The following MITD1 variants were observed in gnomAD, a reference collection of about 807,000 sequenced individuals.
The protein encoded by MITD1 is MIT domain-containing protein 1.
A neutral mutation model predicts 34.9 loss-of-function variants in MITD1; 24 were observed. The ratio of observed to expected loss-of-function variants is 0.69; its 90% CI spans 0.50 to 0.97. The LOEUF is 0.97. MITD1 is among the 50% of genes least tolerant of loss of function. The probability of loss-of-function intolerance (pLI) is 0.00; values close to 1 mark genes in which losing one functional copy is unlikely to be tolerated. For synonymous variants in MITD1, 102 were observed against 101.4 expected, an observed-to-expected ratio of 1.01 and a Z score of -0.04; for missense variants, 266 against 294.6, an observed-to-expected ratio of 0.90 and a Z score of 0.71.
At chr2:99,170,841 CT>C in intron 4 of MITD1, 189 bp from the exon 5 acceptor site, 1 of 376,148 alleles carries the variant, frequency 2.7e-6, no homozygotes, top group Non-Finnish European at 4.8e-6. Flanking sequence ...TCAAAATCAT[CT>C]TTTTTTCTAA....
intron 1 of MITD1, among the ~76,000 whole-genome samples, chr2:99,180,399 T>C (rs1452222474): frequency 6.6e-6 from 1 of 152,222 alleles, no homozygotes; most frequent in Non-Finnish European, 1.5e-5. Flanking sequence ...ATAGCATCTC[T>C]TTCTAAAACA....
chr2:99,177,772 G>C (rs537914929), intron 1 of MITD1, among the ~76,000 whole-genome samples: 39 of 152,160 alleles, frequency 2.6e-4, no homozygotes, highest in African/African-American at 9.4e-4. Flanking sequence ...CAAAGTACTG[G>C]GATTGCAGGC....
chr2:99,176,975 A>G (rs1396307740), intron 1 of MITD1, among the ~76,000 whole-genome samples: 3 of 152,158 alleles, frequency 2.0e-5, no homozygotes, highest in East Asian at 3.8e-4. Flanking sequence ...GCTAGGAGGT[A>G]TATGTAGGCT....
intron 1 of MITD1, among the ~76,000 whole-genome samples, chr2:99,174,905 T>C (rs2093878668): frequency 6.6e-6 from 1 of 151,380 alleles, no homozygotes; most frequent in Non-Finnish European, 1.5e-5. Context: ...TTTGTATTTT[T>C]AGTAGAGACG....
intron 1 of MITD1, among the ~76,000 whole-genome samples, chr2:99,177,964 T>A (rs1044173866): frequency 1.3e-5 from 2 of 152,256 alleles, no homozygotes; most frequent in Non-Finnish European, 2.9e-5. Flanking sequence ...TCTTTCTGTG[T>A]CTGGCTTATT....
At chr2:99,180,651 T>C in intron 1 of MITD1, 180 bp downstream of exon 1, 7 of 610,330 alleles carry the variant, frequency 1.1e-5, no homozygotes, top group Non-Finnish European at 2.1e-5. Flanking sequence ...CTAGGTAACA[T>C]CAATCTATTA....
At chr2:99,162,824 T>C in intron 7 of MITD1, 1 of 1,614,024 alleles carries the variant, frequency 6.2e-7, no homozygotes, top group Non-Finnish European at 8.5e-7. Context: ...ATGTGTTATA[T>C]GAACAGTCAC....
At chr2:99,180,694 T>C (rs896675309) in intron 1 of MITD1, 137 bp downstream of exon 1, 7 of 763,082 alleles carry the variant, frequency 9.2e-6, no homozygotes, top group South Asian at 3.4e-5. Context: ...AGTTGTCCTA[T>C]AGAATATCCC....
chr2:99,178,472 A>G (rs2105230709), intron 1 of MITD1: 1 of 152,374 alleles, frequency 6.6e-6, no homozygotes, highest in African/African-American at 2.4e-5. Flanking sequence ...TAAAACAGAC[A>G]AAATTCTCTT....
At chr2:99,179,985 T>C (rs1378565050) in intron 1 of MITD1, among the ~76,000 whole-genome samples, 1 of 152,168 alleles carries the variant, frequency 6.6e-6, no homozygotes, top group Non-Finnish European at 1.5e-5. Context: ...GGGAGCTTAG[T>C]CCAGACCGGG....
chr2:99,169,706 A>G (rs192565480), intron 5 of MITD1, 96 bp from the exon 6 acceptor site: 1 of 912,090 alleles, frequency 1.1e-6, no homozygotes, highest in East Asian at 2.5e-5. Context: ...TTTCCCCCTA[A>G]CAAAGCAAAC....
chr2:99,172,618 C>T (rs1004575695), intron 2 of MITD1: 2 of 151,956 alleles, frequency 1.3e-5, no homozygotes, highest in African/African-American at 4.8e-5. Flanking sequence ...CATGGTGGCT[C>T]ACACTTGTAA....
At chr2:99,173,259 T>G (rs2093868470) in intron 2 of MITD1, 1 of 278,158 alleles carries the variant, frequency 3.6e-6, no homozygotes. Flanking sequence ...GAAGAAAAGC[T>G]GGGGCCTGGG....
rs761229731 is a variant in MITD1 at position 99,174,023 on chromosome 2, A to C, written c.152-7T>G. 1 of 1,254,346 alleles carries C rather than the reference A, an allele frequency of 8.0e-7. No homozygotes were observed. The highest frequency in any genetic ancestry group is 1.1e-6 in the Non-Finnish European group (1 of 880,000). 77.7% of individuals were successfully genotyped at this position (1,254,346 alleles called of 1,614,324 possible). A position where few individuals can be genotyped will look rare whatever the true frequency, so the allele number is the denominator to read the frequency against. ...TTAGTATTATCTTTGGTACCTACAA[A>C]TTTAAAAATATATATTATCAAGTAT... On this transcript the variant is annotated splice_region_variant and splice_polypyrimidine_tract_variant and intron_variant, in intron 1 of 6. Transcript: ENST00000289359.
rs529360095 is a variant in MITD1, at chr2:99,169,293, T to G, written c.*82A>C. 44 of 661,644 alleles carry G rather than the reference T, an allele frequency of 6.7e-5. No homozygotes were observed. Among genetic ancestry groups the G allele is most frequent in the Admixed American group, 1.9e-4 (6 of 31,820 alleles). The allele number at this position is 661,644 out of a possible 1,614,324, so 41.0% of individuals were successfully genotyped here. ...AGAAATATAAAAGTTTATTGTTAAA[T>G]TCATACATTATAAAAGTGATCTTTT... is the stretch of plus-strand genomic sequence containing the variant. On this transcript the variant is annotated 3_prime_UTR_variant, in exon 7 of 7. Transcript: ENST00000289359.
chr2:99,175,335 T>C (rs2093881266), intron 1 of MITD1, among the ~76,000 whole-genome samples: 1 of 152,258 alleles, frequency 6.6e-6, no homozygotes, highest in Non-Finnish European at 1.5e-5. Context: ...AGTTCCTTAA[T>C]CTTTCTCTGC....
intron 7 of MITD1, chr2:99,163,204 A>C: frequency 8.7e-6 from 5 of 572,500 alleles, no homozygotes; most frequent in Admixed American, 3.8e-5. Context: ...AAACACAACA[A>C]CCTAGTCTCT....
intron 1 of MITD1, among the ~76,000 whole-genome samples, chr2:99,174,339 C>A (rs2093874995): frequency 6.6e-6 from 1 of 152,160 alleles, no homozygotes; most frequent in Non-Finnish European, 1.5e-5. Context: ...TAACTACCCA[C>A]AAGTTTGAAA....
downstream of MITD1, among the ~76,000 whole-genome samples, chr2:99,168,021 A>G (rs1280240557): frequency 6.6e-6 from 1 of 152,006 alleles, no homozygotes; most frequent in African/African-American, 2.4e-5. Context: ...GGTCCTCTAC[A>G]CTGTTTTAAC....
Sources: gnomAD v4.1 joint callset for allele counts (sites outside exome capture counted in the v4.1 genomes callset) on GRCh38, gnomAD v4.1.1 for gene constraint, MANE v1.5 for transcripts, NCBI Gene and HGNC (gene_info 2026-07-23, HGNC 2026-07-21) for gene names.